ARHGEF28: variants seen among roughly 807,000 people sequenced by gnomAD.
ARHGEF28 encodes the protein Rho guanine nucleotide exchange factor 28.
ARHGEF28 carries 152 observed loss-of-function variants against 206.6 expected under a neutral mutation model. The ratio of observed to expected loss-of-function variants is 0.74; its 90% CI spans 0.64 to 0.84. The LOEUF is 0.84. Among genes scored for constraint, ARHGEF28 ranks in the 40% least tolerant of loss-of-function variants. The pLI is 0.00. For missense variants in ARHGEF28, 2,028 were observed against 2,073.2 expected (o/e 0.98, Z 0.42); for synonymous variants, 763 against 776.4 (o/e 0.98, Z 0.29).
chr5:73,873,369 ATG>A, intron 22 of ARHGEF28, 123 bp downstream of exon 22: 1 of 1,290,014 alleles, frequency 7.8e-7, no homozygotes, highest in Non-Finnish European at 1.0e-6. Flanking sequence ...CATTCTGAGG[ATG>A]TGTTTACCAT....
At chr5:73,790,926 G>T (rs558309670) in intron 7 of ARHGEF28, among the ~76,000 whole-genome samples, 145 of 152,330 alleles carry the variant, frequency 9.5e-4, no homozygotes, top group African/African-American at 3.2e-3. Flanking sequence ...TGGACTTACA[G>T]AGCTGGAAGG....
Position 73,941,302 on chromosome 5 carries a change from CA to C in ARHGEF28, c.*290del. The C allele has an allele frequency of 5.8e-6, 1 of 170,992 alleles. No homozygotes were observed. Among genetic ancestry groups the C allele is most frequent in the Non-Finnish European group, 1.2e-5 (1 of 80,176 alleles). 10.6% of individuals were successfully genotyped at this position (170,992 alleles called of 1,614,324 possible). ...TTGTTTTGACGCTAGAGTAAAATTC[CA>C]TGTCACATTTTCTACCCAATCATCT... On this transcript the variant is annotated 3_prime_UTR_variant, in exon 36 of 36. Coordinates refer to ENST00000513042, the MANE Select transcript of ARHGEF28 (RefSeq NM_001177693.2).
At chr5:73,894,654 G>C in intron 29 of ARHGEF28, 79 bp downstream of exon 29, 1 of 1,492,716 alleles carries the variant, frequency 6.7e-7, no homozygotes, top group Non-Finnish European at 9.0e-7. Flanking sequence ...CATGCACTGT[G>C]GTCTTGGTGC....
chr5:73,749,425 G>A (rs1002417180), intron 2 of ARHGEF28, among the ~76,000 whole-genome samples: 2 of 152,192 alleles, frequency 1.3e-5, no homozygotes, highest in African/African-American at 2.4e-5. Context: ...CCAGCTACCA[G>A]GGAGGCTGAA....
intron 12 of ARHGEF28, 106 bp downstream of exon 12, chr5:73,846,581 G>A: frequency 9.4e-7 from 1 of 1,067,290 alleles, no homozygotes; most frequent in Non-Finnish European, 1.3e-6. Context: ...TCATACATAT[G>A]AACTATTTTT....
At chr5:73,796,602 T>A (rs1754835671) in intron 9 of ARHGEF28, among the ~76,000 whole-genome samples, 1 of 152,168 alleles carries the variant, frequency 6.6e-6, no homozygotes, top group African/African-American at 2.4e-5. Context: ...TTGGTGTTGG[T>A]TGATGGTGTT....
At chr5:73,637,452 C>T (rs1743797390) in intron 1 of ARHGEF28, among the ~76,000 whole-genome samples, 1 of 152,210 alleles carries the variant, frequency 6.6e-6, no homozygotes, top group Admixed American at 6.5e-5. Flanking sequence ...AAAGAAAACA[C>T]ACTTGTGCTT....
intron 9 of ARHGEF28, among the ~76,000 whole-genome samples, chr5:73,813,910 T>TAAA (rs76466396): frequency 0.011 from 1,542 of 138,764 alleles, 19 homozygotes; most frequent in East Asian, 0.023. Context: ...CAATTCTCTT[T>TAAA]AAAAAAAAAA....
intron 4 of ARHGEF28, among the ~76,000 whole-genome samples, chr5:73,766,015 A>G (rs544849888): frequency 1.3e-5 from 2 of 151,962 alleles, no homozygotes; most frequent in East Asian, 1.9e-4. Flanking sequence ...AGCCAGGCGC[A>G]GTGGCGGGTG....
chr5:73,920,836 CT>C (rs1305184770), intron 35 of ARHGEF28, among the ~76,000 whole-genome samples: 1 of 152,160 alleles, frequency 6.6e-6, no homozygotes, highest in East Asian at 1.9e-4. Flanking sequence ...CCATAAAATG[CT>C]TTATGGTACC....
At chr5:73,923,384 A>G (rs1763627570) in intron 35 of ARHGEF28, among the ~76,000 whole-genome samples, 2 of 152,220 alleles carry the variant, frequency 1.3e-5, no homozygotes, top group South Asian at 2.1e-4. Context: ...AAAAAGCCTA[A>G]ATCTGAACTC....
At chr5:73,638,784 A>G (rs896343909) in intron 1 of ARHGEF28, among the ~76,000 whole-genome samples, 3 of 152,188 alleles carry the variant, frequency 2.0e-5, no homozygotes, top group South Asian at 2.1e-4. Flanking sequence ...TACTAATCGA[A>G]TGAATCACCA....
intron 2 of ARHGEF28, among the ~76,000 whole-genome samples, chr5:73,710,994 G>A (rs544394846): frequency 2.7e-4 from 41 of 152,252 alleles, no homozygotes; most frequent in African/African-American, 9.6e-4. Flanking sequence ...ACGAGCCACC[G>A]CTGTCGGCCT....
chr5:73,934,135 G>A (rs1279760182), intron 35 of ARHGEF28, among the ~76,000 whole-genome samples: 2 of 152,100 alleles, frequency 1.3e-5, no homozygotes, highest in Admixed American at 1.3e-4. Context: ...TTGTTTATCT[G>A]TGGAAAAGAC....
chr5:73,739,644 C>T (rs1031111989), intron 2 of ARHGEF28, among the ~76,000 whole-genome samples: 4 of 151,520 alleles, frequency 2.6e-5, no homozygotes, highest in Non-Finnish European at 1.5e-5. Flanking sequence ...CAGGTGAAAC[C>T]TTCTCTCTAC....
At chr5:73,923,690 G>T (rs1432240299) in intron 35 of ARHGEF28, among the ~76,000 whole-genome samples, 1 of 149,310 alleles carries the variant, frequency 6.7e-6, no homozygotes, top group East Asian at 1.9e-4. Flanking sequence ...GTGGGCTTAA[G>T]GTAAAACATT....
chr5:73,830,053 A>T (rs938217478), intron 9 of ARHGEF28, among the ~76,000 whole-genome samples: 2 of 152,152 alleles, frequency 1.3e-5, no homozygotes, highest in Non-Finnish European at 2.9e-5. Context: ...TGACTCCCAT[A>T]GGAGACACTG....
intron 31 of ARHGEF28, chr5:73,902,383 A>C (rs1762319314): frequency 6.6e-6 from 1 of 152,186 alleles, no homozygotes; most frequent in Non-Finnish European, 1.5e-5. Context: ...GACAGTAATA[A>C]TTTAATCTTG....
chr5:73,837,765 A>T (rs1362589174), intron 10 of ARHGEF28, among the ~76,000 whole-genome samples: 1 of 140,796 alleles, frequency 7.1e-6, no homozygotes, highest in Non-Finnish European at 1.5e-5. Flanking sequence ...TTTTTGAGAC[A>T]GAGTCTTCCT....
Sources: gnomAD v4.1 joint callset for allele counts (sites outside exome capture counted in the v4.1 genomes callset) on GRCh38, gnomAD v4.1.1 for gene constraint, MANE v1.5 for transcripts, NCBI Gene and HGNC (gene_info 2026-07-23, HGNC 2026-07-21) for gene names.